NADSYN1: variants seen among roughly 807,000 people sequenced by gnomAD.
NADSYN1 encodes NAD synthetase 1.
NADSYN1 carries 80 observed loss-of-function variants against 99.3 expected under a neutral mutation model. That is an observed-to-expected ratio of 0.81 (90% CI 0.67 to 0.97). The LOEUF (loss-of-function observed/expected upper bound fraction) is 0.97, where lower values mean the gene tolerates loss of function less well. NADSYN1 is among the 50% of genes least tolerant of loss of function. NADSYN1 has a pLI of 0.00. For missense variants in NADSYN1, 859 were observed against 948.5 expected (o/e 0.91, Z 1.24); for synonymous variants, 385 against 372.1 (o/e 1.03, Z -0.40).
intron 16 of NADSYN1, among the ~76,000 whole-genome samples, chr11:71,488,029 CCTT>C (rs574036790): frequency 3.4e-4 from 52 of 152,184 alleles, no homozygotes; most frequent in African/African-American, 1.2e-3. Flanking sequence ...CACAGCCAGT[CCTT>C]CTCTTCCTCT....
chr11:71,483,513 G>A (rs3829251), intron 14 of NADSYN1, among the ~76,000 whole-genome samples: 32,482 of 152,164 alleles, frequency 0.21, 3,802 homozygotes, highest in South Asian at 0.34. Context: ...TCTTCCACGG[G>A]CAGTTCTCTA....
At chr11:71,487,619 C>A (rs1384709552) in intron 16 of NADSYN1, among the ~76,000 whole-genome samples, 1 of 151,992 alleles carries the variant, frequency 6.6e-6, no homozygotes, top group Non-Finnish European at 1.5e-5. Context: ...ATCACAAGGT[C>A]AGGAGATCGA....
chr11:71,497,993 T>G (rs1198554698), intron 19 of NADSYN1, among the ~76,000 whole-genome samples: 1 of 152,196 alleles, frequency 6.6e-6, no homozygotes, highest in Non-Finnish European at 1.5e-5. Context: ...TTCGCAGGAT[T>G]TATCTTAGAT....
At chr11:71,480,029 A>G (rs1431659798) in intron 10 of NADSYN1, 1 of 152,276 alleles carries the variant, frequency 6.6e-6, no homozygotes, top group East Asian at 1.9e-4. Context: ...TCTGTCTATC[A>G]TTAACAATTC....
At chr11:71,466,844 T>C (rs1949594589) in intron 5 of NADSYN1, 1 of 152,178 alleles carries the variant, frequency 6.6e-6, no homozygotes, top group East Asian at 1.9e-4. Flanking sequence ...AAGTACAGAA[T>C]ACATTGAGCC....
chr11:71,483,923 A>G (rs1208984776), intron 14 of NADSYN1, among the ~76,000 whole-genome samples: 1 of 152,212 alleles, frequency 6.6e-6, no homozygotes, highest in Admixed American at 6.5e-5. Flanking sequence ...GGTGCGGATG[A>G]AGGGAGTGGA....
chr11:71,493,836 AG>A (rs1383725899), intron 18 of NADSYN1, among the ~76,000 whole-genome samples: 1 of 152,120 alleles, frequency 6.6e-6, no homozygotes, highest in African/African-American at 2.4e-5. Context: ...TTAATTAAAA[AG>A]TTTATAAGGT....
chr11:71,500,824 G>A (rs1949852159), intron 20 of NADSYN1, among the ~76,000 whole-genome samples: 1 of 152,184 alleles, frequency 6.6e-6, no homozygotes, highest in Non-Finnish European at 1.5e-5. Context: ...ATGCCAATCT[G>A]CTCTGCCATC....
Position 71,497,547 on chromosome 11 carries a change from TG to T in NADSYN1, c.1833del (p.Tyr613ThrfsTer24), listed in dbSNP as rs747056050. 2.2e-5 allele frequency: 35 copies of T among 1,614,030 alleles called. No homozygotes were observed. The highest frequency in any genetic ancestry group is 2.8e-5 in the Non-Finnish European group (33 of 1,180,036). On this transcript the variant is annotated frameshift_variant, in exon 19 of 21. Coordinates refer to ENST00000319023, the MANE Select transcript of NADSYN1 (RefSeq NM_018161.5). LOFTEE classifies it high-confidence loss of function. ...VYGKLRKVAKMGPYSMFCKLL... is the reference protein window; with the variant it reads ...VYGKLRKVAKXGPYSMFCKLL... ...GGGAAACTCAGGAAGGTGGCCAAGA[TG>T]GGGCCCTACAGCATGTTCTGCAAAC...
chr11:71,472,726 T>C (rs970211161), intron 6 of NADSYN1, among the ~76,000 whole-genome samples: 9 of 152,188 alleles, frequency 5.9e-5, no homozygotes, highest in Admixed American at 5.9e-4. Flanking sequence ...TTTTCCTCCC[T>C]TCCCCCACTC....
intron 16 of NADSYN1, 84 bp downstream of exon 16, chr11:71,485,732 C>A: frequency 9.6e-7 from 1 of 1,041,206 alleles, no homozygotes. Flanking sequence ...ATTCTATCAT[C>A]CTGTGCCTTT....
chr11:71,473,976 C>G (rs1949647041), intron 8 of NADSYN1, among the ~76,000 whole-genome samples: 1 of 152,202 alleles, frequency 6.6e-6, no homozygotes, highest in African/African-American at 2.4e-5. Flanking sequence ...GTAGGGAACA[C>G]CCGTACGTTT....
chr11:71,481,770 G>A (rs3814733), intron 12 of NADSYN1, 153 bp from the exon 13 acceptor site: 45,870 of 637,846 alleles, frequency 0.072, 2,100 homozygotes, highest in African/African-American at 0.14. Flanking sequence ...ATCCTGCCAC[G>A]TGCGGGTATT....
chr11:71,485,438 T>G, intron 15 of NADSYN1, 104 bp from the exon 16 acceptor site: 1 of 862,252 alleles, frequency 1.2e-6, no homozygotes, highest in African/African-American at 1.7e-5. Flanking sequence ...GCTAGAGAGC[T>G]CCTAAGCTAT....
chr11:71,469,008 A>G (rs59924674), intron 5 of NADSYN1, among the ~76,000 whole-genome samples: 1 of 152,236 alleles, frequency 6.6e-6, no homozygotes, highest in Non-Finnish European at 1.5e-5. Context: ...TGTGTGTGTG[A>G]AAAGGAAGGC....
intron 16 of NADSYN1, 145 bp from the exon 17 acceptor site, chr11:71,490,700 G>T: frequency 8.2e-7 from 1 of 1,218,676 alleles, no homozygotes. Context: ...CACCTTTGCG[G>T]GTTGCTCTGG....
rs1350604303 is a variant in NADSYN1, at chr11:71,501,748, C to T, written c.*396C>T. On this transcript the variant is annotated 3_prime_UTR_variant, in exon 21 of 21. Coordinates refer to ENST00000319023, the MANE Select transcript of NADSYN1 (RefSeq NM_018161.5). ...GAAGGAGAGAAGACCTTCTCTCCCA[C>T]CCACACACACCTTCCTGTCCTGGGT... 1.4e-5 allele frequency: 3 copies of T among 215,774 alleles called. No individual in the cohort carries two copies. Among genetic ancestry groups the T allele is most frequent in the Non-Finnish European group, 2.8e-5 (3 of 106,526 alleles). The allele number at this position is 215,774 out of a possible 1,614,324, so 13.4% of individuals were successfully genotyped here. A position where few individuals can be genotyped will look rare whatever the true frequency, so the allele number is the denominator to read the frequency against.
At chr11:71,497,402 T>G in intron 18 of NADSYN1, 81 bp from the exon 19 acceptor site, 4 of 1,586,290 alleles carry the variant, frequency 2.5e-6, no homozygotes, top group Non-Finnish European at 3.4e-6. Flanking sequence ...TGGTCTCTGG[T>G]TCCCATCTCC....
intron 14 of NADSYN1, among the ~76,000 whole-genome samples, chr11:71,484,031 T>C (rs1949726111): frequency 6.6e-6 from 1 of 152,158 alleles, no homozygotes; most frequent in African/African-American, 2.4e-5. Context: ...AGGGTGTCTG[T>C]CACTCTCTGC....
Sources: gnomAD v4.1 joint callset for allele counts (sites outside exome capture counted in the v4.1 genomes callset) on GRCh38, gnomAD v4.1.1 for gene constraint, MANE v1.5 for transcripts, NCBI Gene and HGNC (gene_info 2026-07-23, HGNC 2026-07-21) for gene names.